RUBCNL: variants seen among roughly 807,000 people sequenced by gnomAD.
RUBCNL encodes protein associated with UVRAG as autophagy enhancer.
A neutral mutation model predicts 69.5 loss-of-function variants in RUBCNL; 62 were observed. That is an observed-to-expected ratio of 0.89 (90% CI 0.73 to 1.10). The LOEUF (loss-of-function observed/expected upper bound fraction) is 1.10, where lower values mean the gene tolerates loss of function less well. Ranked by LOEUF, RUBCNL falls within the 50% of genes least tolerant of loss-of-function variation. RUBCNL has a pLI of 0.00. For synonymous variants in RUBCNL, 291 were observed against 303.6 expected (o/e 0.96, Z 0.43); for missense variants, 768 against 798.1 (o/e 0.96, Z 0.45).
rs2764594 is a variant in RUBCNL at position 46,335,441 on chromosome 13, C to A, written c.*7944G>T. Among the ~76,000 whole-genome samples, 248 of 151,672 alleles carry A rather than the reference C, an allele frequency of 1.6e-3. 1 individual carries two copies. The highest frequency in any genetic ancestry group is 5.4e-3 in the African/African-American group (224 of 41,316). ...TTAAGTCTTCAGAGGGTTTAATCCA[C>A]GGAGATAGACGATCTGATTTATGCT... is the stretch of plus-strand genomic sequence containing the variant. On this transcript the variant is annotated 3_prime_UTR_variant, in exon 15 of 15. Transcript: ENST00000429979.
chr13:46,357,467 T>C (rs2042429510), intron 9 of RUBCNL, among the ~76,000 whole-genome samples: 2 of 152,062 alleles, frequency 1.3e-5, no homozygotes, highest in Non-Finnish European at 1.5e-5. Flanking sequence ...AGAGACATGT[T>C]ATACAAGGAA....
chr13:46,385,353 C>T (rs568091919), intron 1 of RUBCNL: 1 of 644,390 alleles, frequency 1.6e-6, no homozygotes, highest in African/African-American at 2.0e-5. Context: ...CAGGAAGATA[C>T]ACAATATGAC....
chr13:46,350,206 C>A lies in RUBCNL; in HGVS notation c.1476G>T (p.Gln492His). The stretch of plus-strand genomic sequence containing the variant: ...GCTGGTGCCATATGCTGTCGAGCAG[C>A]TGTTTGGAGAAATTGCTGACGTAGT... ...KKYYVSNFSK[Q>H]LLDSIWHQPI... The change falls in exon 11 of 15, where the codon CAG becomes CAT. Residue 492 changes from glutamine (Q) to histidine (H), a missense_variant. By Grantham distance (24) the Gln-to-His change is conservative. Transcript: ENST00000429979. 6.3e-7 allele frequency: 1 copy of A among 1,593,508 alleles called. No individual in the cohort carries two copies. Among genetic ancestry groups the A allele is most frequent in the Non-Finnish European group, 8.5e-7 (1 of 1,169,728 alleles).
At position 46,338,555 on chromosome 13, in the gene RUBCNL, C is replaced by A. The variant is rs940403108; in HGVS notation, c.*4830G>T. Among the ~76,000 whole-genome samples the A allele has an allele frequency of 6.6e-6, 1 of 152,242 alleles. No homozygotes were observed. The highest frequency in any genetic ancestry group is 2.1e-4 in the South Asian group (1 of 4,828). On this transcript the variant is annotated 3_prime_UTR_variant, in exon 15 of 15. Coordinates refer to ENST00000429979, the MANE Select transcript of RUBCNL (RefSeq NM_025113.5). ...AGGAGGGGTGGGGGCTTTGGGTGCG[C>A]TTGCCCTTTGTCTCCTCACCAATGG...
At chr13:46,356,880 T>A (rs1054093418) in intron 9 of RUBCNL, among the ~76,000 whole-genome samples, 4 of 150,666 alleles carry the variant, frequency 2.7e-5, no homozygotes, top group African/African-American at 9.7e-5. Flanking sequence ...TAGCTTTTTT[T>A]GGCTTTATTT....
At chr13:46,365,843 T>A (rs2048742713) in intron 5 of RUBCNL, among the ~76,000 whole-genome samples, 1 of 152,126 alleles carries the variant, frequency 6.6e-6, no homozygotes, top group Non-Finnish European at 1.5e-5. Context: ...AAAGTTGTGA[T>A]CCAGGAAGAC....
At chr13:46,373,886 T>A (rs1053279214) in intron 2 of RUBCNL, among the ~76,000 whole-genome samples, 2 of 152,244 alleles carry the variant, frequency 1.3e-5, no homozygotes, top group African/African-American at 2.4e-5. Context: ...ACCTGATACA[T>A]CCAAAACAGT....
At chr13:46,359,187 T>C (rs530715047) in intron 9 of RUBCNL, among the ~76,000 whole-genome samples, 1 of 152,022 alleles carries the variant, frequency 6.6e-6, no homozygotes, top group East Asian at 1.9e-4. Context: ...TAGCCACTTT[T>C]AAAAATCCCC....
chr13:46,351,869 C>T, intron 10 of RUBCNL, among the ~76,000 whole-genome samples: 1 of 137,804 alleles, frequency 7.3e-6, no homozygotes, highest in East Asian at 2.2e-4. Context: ...CGCTCTGTTG[C>T]CCAGGCTGGA....
At chr13:46,385,361 GACTAACAGGCACTAATATT>G in intron 1 of RUBCNL, 1 of 566,796 alleles carries the variant, frequency 1.8e-6, no homozygotes, top group Non-Finnish European at 2.2e-6. Context: ...TACACAATAT[GACTAACAGGCACTAATATT>G]ACTACACTTA....
chr13:46,343,546 C>T (rs1946957581), intron 14 of RUBCNL, 49 bp from the exon 15 acceptor site: 1 of 1,571,714 alleles, frequency 6.4e-7, no homozygotes, highest in Admixed American at 1.7e-5. Flanking sequence ...CTTGTTTTCT[C>T]ACATTTCTGC....
At chr13:46,387,017 AC>A in intron 1 of RUBCNL, 116 bp downstream of exon 1, 1 of 883,586 alleles carries the variant, frequency 1.1e-6, no homozygotes, top group Non-Finnish European at 1.4e-6. Context: ...CTGGGCACAA[AC>A]CTCTCTGGCG....
In RUBCNL at chr13:46,336,185, G is replaced by T. The variant is rs11618730; in HGVS notation, c.*7200C>A. Among the ~76,000 whole-genome samples the T allele has an allele frequency of 0.31, 47,281 of 151,906 alleles. 7,542 individuals carry two copies. The highest frequency in any genetic ancestry group is 0.38 in the Middle Eastern group (113 of 294). ...TCTGACAGCCGGCCCTGTTCTTTTT[G>T]GTTCACGTGGTCTTTAGTAATTTAC... On this transcript the variant is annotated 3_prime_UTR_variant, in exon 15 of 15. Transcript: ENST00000429979.
chr13:46,363,968 A>G (rs1594159991), intron 5 of RUBCNL, among the ~76,000 whole-genome samples: 3 of 148,962 alleles, frequency 2.0e-5, no homozygotes, highest in Admixed American at 1.3e-4. Context: ...AATCATTATT[A>G]TATTATTAAT....
Position 46,337,718 on chromosome 13 carries a change from T to C in RUBCNL, c.*5667A>G, listed in dbSNP as rs1014820055. ...GGACAACAGGTATCAGGACATCTTA[T>C]GTTAGTCAGAGTAGGGTGGGTTACA... On this transcript the variant is annotated 3_prime_UTR_variant, in exon 15 of 15. Coordinates refer to ENST00000429979, the MANE Select transcript of RUBCNL (RefSeq NM_025113.5). Among the ~76,000 whole-genome samples the C allele has an allele frequency of 2.0e-5, 3 of 152,204 alleles. No individual in the cohort carries two copies. The highest frequency in any genetic ancestry group is 1.9e-4 in the East Asian group (1 of 5,200).
Sources: gnomAD v4.1 joint callset for allele counts (sites outside exome capture counted in the v4.1 genomes callset) on GRCh38, gnomAD v4.1.1 for gene constraint, MANE v1.5 for transcripts, NCBI Gene and HGNC (gene_info 2026-07-23, HGNC 2026-07-21) for gene names.